COL5A2: variants seen among roughly 807,000 people sequenced by gnomAD.
The protein encoded by COL5A2 is collagen alpha-2(V) chain.
In COL5A2, 23 loss-of-function variants were observed where a neutral mutation model predicts 208.2. The observed-to-expected ratio is 0.11, with a 90% CI of 0.08 to 0.16. The LOEUF (loss-of-function observed/expected upper bound fraction) is 0.16. Among genes scored for constraint, COL5A2 ranks in the 10% least tolerant of loss-of-function variants. COL5A2 has a pLI of 1.00. For synonymous variants in COL5A2, 625 were observed against 628.5 expected (o/e 0.99, Z 0.08); for missense variants, 1,590 against 1,956.4 (o/e 0.81, Z 3.53).
intron 40 of COL5A2, 124 bp from the exon 41 acceptor site, chr2:189,052,349 AT>A (rs901391771): frequency 2.3e-4 from 209 of 911,614 alleles, no homozygotes; most frequent in South Asian, 3.1e-4. Flanking sequence ...TGTAAGCAAT[AT>A]TTTTTTTTCT....
chr2:189,234,377 C>G, the COL5A2 span, among the ~76,000 whole-genome samples: 1 of 151,750 alleles, frequency 6.6e-6, no homozygotes, highest in African/African-American at 2.4e-5. Flanking sequence ...AGCCCACCAT[C>G]AGCTTTTTCA....
At chr2:189,148,741 T>C (rs564900744) in intron 1 of COL5A2, among the ~76,000 whole-genome samples, 2 of 152,298 alleles carry the variant, frequency 1.3e-5, no homozygotes, top group Admixed American at 6.5e-5. Flanking sequence ...AAATTTAATC[T>C]CATATATGGA....
chr2:189,424,259 T>C, the COL5A2 span, among the ~76,000 whole-genome samples: 1 of 152,168 alleles, frequency 6.6e-6, no homozygotes, highest in African/African-American at 2.4e-5. Context: ...ACCTTTTCTT[T>C]TAATACCTGG....
chr2:189,105,474 TCA>T (rs2105701744), intron 2 of COL5A2, among the ~76,000 whole-genome samples: 1 of 151,742 alleles, frequency 6.6e-6, no homozygotes, highest in African/African-American at 2.4e-5. Context: ...GACAGTTTTG[TCA>T]TATATTGAAA....
At position 189,036,762 on chromosome 2, in the gene COL5A2, C is replaced by T; in HGVS notation, c.3967G>A (p.Ala1323Thr). 3 of 1,613,500 alleles carry T rather than the reference C, an allele frequency of 1.9e-6. No individual in the cohort carries two copies. The highest frequency in any genetic ancestry group is 2.5e-6 in the Non-Finnish European group (3 of 1,179,606). The change falls in exon 52 of 54, where the codon GCA (alanine) becomes ACA (threonine). Residue 1323 changes from alanine (A) to threonine (T), a missense_variant. Ala to Thr is a moderately conservative substitution (Grantham distance 58, BLOSUM62 0). Transcript: ENST00000374866. ...TCCATGTTGCAGTAAACTTTGATTG[C>T]ATCTTCAACAGATCCTTGGTTAGGA... ...IDPNQGSVED[A>T]IKVYCNMETG...
At chr2:189,163,295 C>A (rs977609342) in intron 1 of COL5A2, among the ~76,000 whole-genome samples, 1 of 152,104 alleles carries the variant, frequency 6.6e-6, no homozygotes, top group African/African-American at 2.4e-5. Flanking sequence ...AGCATCAGGG[C>A]AAGAAGGCAC....
the COL5A2 span, among the ~76,000 whole-genome samples, chr2:189,267,284 G>T: frequency 1.7e-4 from 26 of 151,960 alleles, no homozygotes; most frequent in South Asian, 4.6e-3. Context: ...CAGCCTAGAA[G>T]GTATATTTTT....
chr2:189,256,118 G>A, the COL5A2 span, among the ~76,000 whole-genome samples: 2 of 152,072 alleles, frequency 1.3e-5, no homozygotes, highest in Non-Finnish European at 2.9e-5. Context: ...ATTCAACAAG[G>A]GTTGAGATTT....
rs377331666 is a variant in COL5A2, at chr2:189,098,740, C to T, written c.389G>A (p.Arg130His). ...LVPVVTGIRG[R>H]PGPAGPPGSQ... ...GAAACTACTTACTGCCGGTCCTGGA[C>T]GACCACGTATGCCTGTTACCTAAAC... The change falls in exon 5 of 54, where the codon CGT (arginine) becomes CAT (histidine). Residue 130 changes from arginine to histidine, a missense_variant. Coordinates refer to ENST00000374866, the MANE Select transcript of COL5A2 (RefSeq NM_000393.5). 23 of 1,612,780 alleles carry T rather than the reference C, an allele frequency of 1.4e-5. No homozygotes were observed. Among genetic ancestry groups the T allele is most frequent in the African/African-American group, 9.3e-5 (7 of 74,876 alleles).
At chr2:189,097,597 T>G (rs539425994) in intron 5 of COL5A2, 34 of 632,146 alleles carry the variant, frequency 5.4e-5, no homozygotes, top group African/African-American at 2.3e-4. Flanking sequence ...ATAGATTAGC[T>G]TGACTAGTAA....
In COL5A2 at chr2:189,032,861, T is replaced by C. The variant is rs1285319013; in HGVS notation, c.*1209A>G. 1 of 152,602 alleles carries C rather than the reference T, an allele frequency of 6.6e-6. No individual in the cohort carries two copies. Among genetic ancestry groups the C allele is most frequent in the Non-Finnish European group, 1.5e-5 (1 of 68,010 alleles). 9.5% of individuals were successfully genotyped at this position (152,602 alleles called of 1,614,324 possible). On this transcript the variant is annotated 3_prime_UTR_variant, in exon 54 of 54. Coordinates refer to ENST00000374866, the MANE Select transcript of COL5A2 (RefSeq NM_000393.5). ...CCATCTTTATTTTTAAGGAATTTTA[T>C]AGGAAGAATTTTAGCACCATCATTA...
At chr2:189,275,457 C>CTT in the COL5A2 span, among the ~76,000 whole-genome samples, 347 of 140,044 alleles carry the variant, frequency 2.5e-3, 11 homozygotes, top group East Asian at 6.8e-3. Context: ...TCTTTCTTTC[C>CTT]TTTTTTTTTT....
At chr2:189,419,984 A>C in the COL5A2 span, among the ~76,000 whole-genome samples, 1 of 141,002 alleles carries the variant, frequency 7.1e-6, no homozygotes, top group African/African-American at 2.6e-5. Flanking sequence ...GAGGAGGAAG[A>C]GGAGGAGGAG....
chr2:189,285,561 A>C, the COL5A2 span, among the ~76,000 whole-genome samples: 1 of 152,152 alleles, frequency 6.6e-6, no homozygotes, highest in African/African-American at 2.4e-5. Context: ...GTTGAGATGA[A>C]ATAGCTGATT....
chr2:189,291,818 C>T, the COL5A2 span, among the ~76,000 whole-genome samples: 133 of 151,588 alleles, frequency 8.8e-4, 2 homozygotes, highest in Non-Finnish European at 1.6e-3. Context: ...AAAAAACTTG[C>T]TCTATTCTAT....
At chr2:189,160,460 T>C (rs1051704493) in intron 1 of COL5A2, among the ~76,000 whole-genome samples, 1 of 152,128 alleles carries the variant, frequency 6.6e-6, no homozygotes, top group African/African-American at 2.4e-5. Context: ...GGAGCTTTTT[T>C]CTGAAGCCTA....
the COL5A2 span, among the ~76,000 whole-genome samples, chr2:189,381,193 A>T: frequency 6.6e-6 from 1 of 152,086 alleles, no homozygotes; most frequent in Admixed American, 6.5e-5. Flanking sequence ...AATAGGGTAT[A>T]AAATTGAAAC....
At chr2:189,072,786 A>C (rs927474544) in intron 17 of COL5A2, among the ~76,000 whole-genome samples, 1 of 150,692 alleles carries the variant, frequency 6.6e-6, no homozygotes, top group Non-Finnish European at 1.5e-5. Flanking sequence ...AAAAAAAAAA[A>C]CCATCTGGAT....
the COL5A2 span, among the ~76,000 whole-genome samples, chr2:189,323,273 C>G: frequency 3.9e-5 from 6 of 152,180 alleles, no homozygotes; most frequent in African/African-American, 1.4e-4. Flanking sequence ...GACAGGGATG[C>G]CCTCTCTCAC....
Sources: allele counts gnomAD v4.1 joint callset (sites outside exome capture counted in the v4.1 genomes callset), GRCh38; gene constraint gnomAD v4.1.1; transcripts MANE v1.5; gene names NCBI Gene and HGNC (gene_info 2026-07-23, HGNC 2026-07-21).